EBF4: variants seen among roughly 807,000 people sequenced by gnomAD.
EBF4 encodes the protein transcription factor COE4.
EBF4 carries 34 observed loss-of-function variants against 67.1 expected under a neutral mutation model. That is an observed-to-expected ratio of 0.51 (90% CI 0.39 to 0.67). The LOEUF (loss-of-function observed/expected upper bound fraction) is 0.67. EBF4 is among the 30% of genes least tolerant of loss of function. The pLI, the probability that EBF4 is intolerant of heterozygous loss-of-function variation, is 0.00. For missense variants in EBF4, 837 were observed against 873.3 expected (o/e 0.96, Z 0.52); for synonymous variants, 387 against 377.7 (o/e 1.02, Z -0.29).
chr20:2,749,429 ACGGACACGTGCTGGCCGTGTC>A, exon 8 of EBF4: 1 of 1,546,292 alleles, frequency 6.5e-7, no homozygotes, highest in Non-Finnish European at 8.7e-7. Flanking sequence ...GTGAGCGTGG[ACGGACACGTGCTGGCCGTGTC>A]CGACAACATG....
chr20:2,752,387 C>A (rs1285163500), exon 14 of EBF4: 1 of 1,253,548 alleles, frequency 8.0e-7, no homozygotes, highest in African/African-American at 1.6e-5. Flanking sequence ...AGCGCGTCCC[C>A]CCGCGGGTTC....
chr20:2,751,664 G>A lies in EBF4; in HGVS notation c.1019-36G>A. On this transcript the variant is annotated intron_variant, in intron 10 of 16. Coordinates refer to ENST00000609451, the Ensembl canonical transcript of EBF4. This position sits in a 1 kb window ranked among gnomAD's most constrained non-coding sequence, Gnocchi z 5.2. The stretch of plus-strand genomic sequence containing the variant: ...CTCACCCTGGGAGTGGGGGGCTGCG[G>A]GGGAGACGTCCTCCAAACGCCGCCC... 1 of 1,546,004 alleles carries A rather than the reference G, an allele frequency of 6.5e-7. No individual in the cohort carries two copies. Among genetic ancestry groups the A allele is most frequent in the Non-Finnish European group, 8.7e-7 (1 of 1,142,994 alleles).
intron 10 of EBF4, among the ~76,000 whole-genome samples, chr20:2,750,970 G>A (rs1386878620): frequency 6.6e-6 from 1 of 152,202 alleles, no homozygotes; most frequent in Non-Finnish European, 1.5e-5. Flanking sequence ...AGGGCTCTGA[G>A]ACTGGTGGAT....
intron 6 of EBF4, among the ~76,000 whole-genome samples, chr20:2,723,347 TA>T (rs1600220542): frequency 6.6e-6 from 1 of 152,046 alleles, no homozygotes; most frequent in African/African-American, 2.4e-5. Context: ...TATTTATTTT[TA>T]TTTTTTTTTA....
Position 2,751,869 on chromosome 20 carries a change from G to GGTCGCCCCCAGGGGCTGCCCCTCC in EBF4, c.1108-49_1108-26dup. On this transcript the variant is annotated intron_variant, in intron 11 of 16. Transcript: ENST00000609451. This position sits in a 1 kb window ranked among gnomAD's most constrained non-coding sequence, Gnocchi z 5.2. ...GAGGAGGGGCTCCCGAGGGCCCCTT[G>GGTCGCCCCCAGGGGCTGCCCCTCC]GTCGCCCCCAGGGGCTGCCCCTCCG... 1.3e-6 allele frequency: 2 copies of GGTCGCCCCCAGGGGCTGCCCCTCC among 1,547,452 alleles called. No homozygotes were observed. Among genetic ancestry groups the GGTCGCCCCCAGGGGCTGCCCCTCC allele is most frequent in the Non-Finnish European group, 1.7e-6 (2 of 1,145,522 alleles).
At chr20:2,737,065 C>T (rs146150339) in intron 6 of EBF4, among the ~76,000 whole-genome samples, 3,960 of 151,872 alleles carry the variant, frequency 0.026, 158 homozygotes, top group African/African-American at 0.086. Context: ...CTGGCTAACA[C>T]GGTGAAACCC....
rs566863878 is a variant in EBF4 at position 2,745,937 on chromosome 20, T to C, written c.558-2612T>C. Among the ~76,000 whole-genome samples the C allele has an allele frequency of 2.0e-4, 31 of 152,304 alleles. No individual in the cohort carries two copies. Among genetic ancestry groups the C allele is most frequent in the African/African-American group, 7.5e-4 (31 of 41,572 alleles). On this transcript the variant is annotated intron_variant, in intron 6 of 16. Coordinates refer to ENST00000609451, the Ensembl canonical transcript of EBF4. The surrounding 1 kb of genome is among the most constrained non-coding windows in gnomAD (Gnocchi z 5.2). ...AGTCCTATGCTTGTCGCATCTTCAG[T>C]GGTATCCAAAGGTGAGCCTTCAATC...
At chr20:2,749,415 G>A (rs978100825) in exon 8 of EBF4, 20 of 1,543,128 alleles carry the variant, frequency 1.3e-5, no homozygotes, top group East Asian at 2.5e-5. Context: ...TGGTGTCCAC[G>A]ACGGTGAGCG....
intron 2 of EBF4, 84 bp downstream of exon 2, chr20:2,705,817 ACACACACACACACACACACACT>A (rs2087448208): frequency 7.2e-7 from 1 of 1,393,384 alleles, no homozygotes; most frequent in African/African-American, 1.7e-5. Flanking sequence ...ACACACACAC[ACACACACACACACACACACACT>A]GGGACAGATG....
At position 2,755,599 on chromosome 20, in the gene EBF4, GCCTGCCCCTC is replaced by G; in HGVS notation, c.1541-25_1541-16del. 8.9e-7 allele frequency: 1 copy of G among 1,120,834 alleles called. No homozygotes were observed. The allele number at this position is 1,120,834 out of a possible 1,614,324, so 69.4% of individuals were successfully genotyped here. On this transcript the variant is annotated intron_variant, in intron 14 of 16. Coordinates refer to ENST00000609451, the Ensembl canonical transcript of EBF4. This position sits in a 1 kb window ranked among gnomAD's most constrained non-coding sequence, Gnocchi z 4.7. ...TGTCTCCCACCACCTTCCCTGCTGC[GCCTGCCCCTC>G]CCCGCCCCGCCCCGGAGTCATGCCC...
intron 1 of EBF4, among the ~76,000 whole-genome samples, chr20:2,703,192 G>A (rs2087400712): frequency 6.6e-6 from 1 of 150,774 alleles, no homozygotes; most frequent in Non-Finnish European, 1.5e-5. Flanking sequence ...CAGAGGTTGA[G>A]GCTACAGTGA....
Position 2,752,343 on chromosome 20 carries a change from G to A in EBF4, c.1352-14G>A. The stretch of plus-strand genomic sequence containing the variant: ...GCCGGCACCGCCCCCTGACGGCCGC[G>A]CTCTCTCTCGCAGGCTACGCGCGCA... On this transcript the variant is annotated splice_polypyrimidine_tract_variant and intron_variant, in intron 13 of 16. Transcript: ENST00000609451. 2.5e-6 allele frequency: 3 copies of A among 1,200,724 alleles called. No individual in the cohort carries two copies. Among genetic ancestry groups the A allele is most frequent in the Non-Finnish European group, 2.1e-6 (2 of 969,924 alleles). 74.4% of individuals were successfully genotyped at this position (1,200,724 alleles called of 1,614,324 possible). A position where few individuals can be genotyped will look rare whatever the true frequency, so the allele number is the denominator to read the frequency against.
At position 2,747,451 on chromosome 20, in the gene EBF4, A is replaced by C. The variant is rs1402976221; in HGVS notation, c.558-1098A>C. On this transcript the variant is annotated intron_variant, in intron 6 of 16. Transcript: ENST00000609451. This position sits in a 1 kb window ranked among gnomAD's most constrained non-coding sequence, Gnocchi z 4.6. ...GGAAGGAGAGGAGGACAAAGTGCTC[A>C]TGTGTTTGTCTAAAAAGCAACCTCA... Among the ~76,000 whole-genome samples, 1 of 152,186 alleles carries C rather than the reference A, an allele frequency of 6.6e-6. No homozygotes were observed. The highest frequency in any genetic ancestry group is 1.5e-5 in the Non-Finnish European group (1 of 68,038).
At chr20:2,710,166 T>A (rs974509280) in intron 6 of EBF4, among the ~76,000 whole-genome samples, 2 of 152,208 alleles carry the variant, frequency 1.3e-5, no homozygotes, top group African/African-American at 4.8e-5. Context: ...ATTTTGTGTG[T>A]GTGTGTTTGT....
intron 1 of EBF4, among the ~76,000 whole-genome samples, chr20:2,694,700 G>A (rs567421030): frequency 3.9e-5 from 6 of 152,254 alleles, no homozygotes; most frequent in African/African-American, 1.4e-4. Flanking sequence ...GCAGCAGCCC[G>A]AAGGGATTCT....
intron 6 of EBF4, among the ~76,000 whole-genome samples, chr20:2,710,418 G>A (rs1201607447): frequency 3.3e-5 from 5 of 152,096 alleles, no homozygotes; most frequent in Admixed American, 6.6e-5. Context: ...CCAAAGTGCT[G>A]GGATTACAAA....
chr20:2,709,609 A>G (rs1421406301), exon 6 of EBF4: 6 of 1,557,472 alleles, frequency 3.9e-6, no homozygotes, highest in Non-Finnish European at 5.2e-6. Flanking sequence ...GGCAACCGGA[A>G]TGAGACGCCC....
At position 2,721,355 on chromosome 20, in the gene EBF4, C is replaced by T. The variant is rs1600219168; in HGVS notation, c.557+11713C>T. On this transcript the variant is annotated intron_variant, in intron 6 of 16. Transcript: ENST00000609451. ...CTTTTTTTCTGCCAGTTTTCATCTG[C>T]CATTAATCCCATTCCATGCAATTTT... is the stretch of plus-strand genomic sequence containing the variant. Among the ~76,000 whole-genome samples, 6 of 150,938 alleles carry T rather than the reference C, an allele frequency of 4.0e-5. No homozygotes were observed. In the South Asian group the frequency reaches 1.3e-3, roughly 31 times the overall value.
At chr20:2,740,916 T>G (rs1346865022) in intron 6 of EBF4, among the ~76,000 whole-genome samples, 1 of 151,966 alleles carries the variant, frequency 6.6e-6, no homozygotes, top group East Asian at 1.9e-4. Context: ...CAGATTACCT[T>G]GGGGCAGCTG....
Sources: allele counts gnomAD v4.1 joint callset (sites outside exome capture counted in the v4.1 genomes callset), GRCh38; gene constraint gnomAD v4.1.1; non-coding constraint Gnocchi (gnomAD v3.1); transcripts MANE v1.5; gene names NCBI Gene and HGNC (gene_info 2026-07-23, HGNC 2026-07-21).